The following ZNF891 variants were observed in gnomAD, a reference collection of about 807,000 sequenced individuals.
The protein encoded by ZNF891 is zinc finger protein 891, also known as hCG1646157.
For synonymous variants in ZNF891, 199 were observed against 209.0 expected, an observed-to-expected ratio of 0.95 and a Z score of 0.41; for missense variants, 589 against 632.7, an observed-to-expected ratio of 0.93 and a Z score of 0.74.
At chr12:133,125,787 G>C (rs548531134) in intron 1 of ZNF891, 11 of 478,108 alleles carry the variant, frequency 2.3e-5, no homozygotes, top group Non-Finnish European at 4.1e-5. Flanking sequence ...AAGCCAACAA[G>C]CACCAGGTCA....
rs1333184599 is a variant in ZNF891 at position 133,116,108 on chromosome 12, T to TGGGG, written c.*4175_*4176insCCCC. The TGGGG allele has an allele frequency of 1.3e-5, 2 of 152,176 alleles. No individual in the cohort carries two copies. Among genetic ancestry groups the TGGGG allele is most frequent in the African/African-American group, 4.8e-5 (2 of 41,414 alleles). The allele number at this position is 152,176 out of a possible 1,614,324, so 9.4% of individuals were successfully genotyped here. On this transcript the variant is annotated 3_prime_UTR_variant, in exon 2 of 2. Coordinates refer to ENST00000537226, the MANE Select transcript of ZNF891 (RefSeq NM_001277291.2). Reference sequence around the variant, plus strand: ...ATCTCACCCAAGGACCACATGCAGTTGGGACGATTTTCTTGAGACGGAGTC... The same window carrying TGGGG: ...ATCTCACCCAAGGACCACATGCAGTTGGGGGGGACGATTTTCTTGAGACGGAGTC...
Position 133,121,272 on chromosome 12 carries a change from C to T in ZNF891, c.647G>A (p.Cys216Tyr). The stretch of plus-strand genomic sequence containing the variant: ...TCCAATCTCTGAGTAACATTTTTGG[C>T]AATGTTTACTGGTGAAAATGCTCTG... ...FSQSIFTSKH[C>Y]QKCYSEIGCL... Residue 216 changes from cysteine (C) to tyrosine (Y), a missense_variant, in exon 2 of 2, where the codon TGC becomes TAC. Physicochemically the swap from Cys to Tyr is radical, Grantham distance 194 (BLOSUM62 -2). Coordinates refer to ENST00000537226, the MANE Select transcript of ZNF891 (RefSeq NM_001277291.2). The T allele has an allele frequency of 6.5e-7, 1 of 1,535,592 alleles. No individual in the cohort carries two copies. Among genetic ancestry groups the T allele is most frequent in the Non-Finnish European group, 8.7e-7 (1 of 1,146,812 alleles).
Position 133,105,375 on chromosome 12 carries a change from T to C in ZNF891, c.*14909A>G. 3.5e-6 allele frequency: 3 copies of C among 858,710 alleles called. No individual in the cohort carries two copies. In the East Asian group the frequency reaches 8.0e-5, roughly 23 times the overall value. The allele number at this position is 858,710 out of a possible 1,614,324, so 53.2% of individuals were successfully genotyped here. A position where few individuals can be genotyped will look rare whatever the true frequency, so the allele number is the denominator to read the frequency against. On this transcript the variant is annotated 3_prime_UTR_variant, in exon 2 of 2. Coordinates refer to ENST00000537226, the MANE Select transcript of ZNF891 (RefSeq NM_001277291.2). ...GAAGTTCTGGGCATACTACTCAGATTTCAGTCACAGCTGTGAAAGCTGCTA... is the reference window on the plus strand; with the variant it reads ...GAAGTTCTGGGCATACTACTCAGATCTCAGTCACAGCTGTGAAAGCTGCTA...
intron 1 of ZNF891, among the ~76,000 whole-genome samples, chr12:133,129,371 C>T (rs1158199865): frequency 6.6e-6 from 1 of 151,878 alleles, no homozygotes; most frequent in East Asian, 1.9e-4. Flanking sequence ...CGTGGTGGCT[C>T]ATGTCTGTAA....
chr12:133,124,435 G>A (rs1955794585), intron 1 of ZNF891, among the ~76,000 whole-genome samples: 1 of 151,956 alleles, frequency 6.6e-6, no homozygotes, highest in South Asian at 2.1e-4. Flanking sequence ...CAAGATGAAA[G>A]AAGGATATAT....
Position 133,104,943 on chromosome 12 carries a change from T to TC in ZNF891, c.*15340dup, listed in dbSNP as rs1955533660. On this transcript the variant is annotated 3_prime_UTR_variant, in exon 2 of 2. Coordinates refer to ENST00000537226, the MANE Select transcript of ZNF891 (RefSeq NM_001277291.2). The stretch of plus-strand genomic sequence containing the variant: ...ATAGTCAGGTTTTTAATCCTTACCC[T>TC]CCTCCCACATTCCACCCTCAAATAG... Among the ~76,000 whole-genome samples, 1 of 152,066 alleles carries TC rather than the reference T, an allele frequency of 6.6e-6. No individual in the cohort carries two copies.
chr12:133,124,759 C>T (rs753432823), intron 1 of ZNF891, among the ~76,000 whole-genome samples: 28 of 144,528 alleles, frequency 1.9e-4, no homozygotes, highest in African/African-American at 6.3e-4. Flanking sequence ...TTTTATATTG[C>T]TCTCAGTCTT....
rs1357525938 is a variant in ZNF891 at position 133,117,324 on chromosome 12, A to C, written c.*2960T>G. On this transcript the variant is annotated 3_prime_UTR_variant, in exon 2 of 2. Transcript: ENST00000537226. ...AATACTACTGTTAGCAAAACTGAAG[A>C]TCTATTCATAAAGAATAAAAAATAT... 6.6e-6 allele frequency: 1 copy of C among 152,240 alleles called. No individual in the cohort carries two copies. Among genetic ancestry groups the C allele is most frequent in the Non-Finnish European group, 1.5e-5 (1 of 68,040 alleles). The allele number at this position is 152,240 out of a possible 1,614,324, so 9.4% of individuals were successfully genotyped here.
At position 133,109,738 on chromosome 12, in the gene ZNF891, A is replaced by G. The variant is rs1823363598; in HGVS notation, c.*10546T>C. ...CAGGCAGTATGAAATGATCTTAGAA[A>G]CTTGGAAATGCAGAAATAAATAACA... On this transcript the variant is annotated 3_prime_UTR_variant, in exon 2 of 2. Coordinates refer to ENST00000537226, the MANE Select transcript of ZNF891 (RefSeq NM_001277291.2). 1.3e-5 allele frequency: 2 copies of G among 152,152 alleles called. No homozygotes were observed. The highest frequency in any genetic ancestry group is 2.9e-5 in the Non-Finnish European group (2 of 68,050). The allele number at this position is 152,152 out of a possible 1,614,324, so 9.4% of individuals were successfully genotyped here.
chr12:133,111,840 A>T lies in ZNF891; in HGVS notation c.*8444T>A, dbSNP rs1036819088. 7 of 152,190 alleles carry T rather than the reference A, an allele frequency of 4.6e-5. No individual in the cohort carries two copies. The highest frequency in any genetic ancestry group is 7.2e-5 in the African/African-American group (3 of 41,450). The allele number at this position is 152,190 out of a possible 1,614,324, so 9.4% of individuals were successfully genotyped here. ...GAAACCCAGTAACTTACAGAAAATT[A>T]AAAAATAAAGAAAAATAAATAAAAA... On this transcript the variant is annotated 3_prime_UTR_variant, in exon 2 of 2. Coordinates refer to ENST00000537226, the MANE Select transcript of ZNF891 (RefSeq NM_001277291.2).
chr12:133,127,041 T>C (rs958805342), intron 1 of ZNF891, among the ~76,000 whole-genome samples: 4 of 141,430 alleles, frequency 2.8e-5, no homozygotes, highest in Non-Finnish European at 6.0e-5. Flanking sequence ...CTCGGCTCAC[T>C]GAAACCTCTG....
Position 133,105,209 on chromosome 12 carries a change from G to A in ZNF891, c.*15075C>T, listed in dbSNP as rs1263465661. On this transcript the variant is annotated 3_prime_UTR_variant, in exon 2 of 2. Transcript: ENST00000537226. ...TTAGATAATTCTGGCAGTAAATACC[G>A]TTTAAATGGTGGTGAAGAAGACTAG... Among the ~76,000 whole-genome samples, 5 of 152,142 alleles carry A rather than the reference G, an allele frequency of 3.3e-5. No homozygotes were observed. The highest frequency in any genetic ancestry group is 6.5e-5 in the Admixed American group (1 of 15,268).
Position 133,105,912 on chromosome 12 carries a change from C to T in ZNF891, c.*14372G>A. On this transcript the variant is annotated 3_prime_UTR_variant, in exon 2 of 2. Coordinates refer to ENST00000537226, the MANE Select transcript of ZNF891 (RefSeq NM_001277291.2). ...CTTGTGAAACACCAAATGATACATA[C>T]TGGAAAGAAACCCCATGAGTGTAAG... The T allele has an allele frequency of 6.2e-7, 1 of 1,614,138 alleles. No homozygotes were observed.
rs1345805818 is a variant in ZNF891 at position 133,107,478 on chromosome 12, C to T, written c.*12806G>A. The T allele has an allele frequency of 6.6e-6, 1 of 152,084 alleles. No homozygotes were observed. Among genetic ancestry groups the T allele is most frequent in the Admixed American group, 6.5e-5 (1 of 15,268 alleles). The allele number at this position is 152,084 out of a possible 1,614,324, so 9.4% of individuals were successfully genotyped here. Reference sequence around the variant, plus strand: ...ACAGCATGTGATTCTGAAAATGTAACTACAATATTGACATAAAAAATAAAC... The same window carrying T: ...ACAGCATGTGATTCTGAAAATGTAATTACAATATTGACATAAAAAATAAAC... On this transcript the variant is annotated 3_prime_UTR_variant, in exon 2 of 2. Coordinates refer to ENST00000537226, the MANE Select transcript of ZNF891 (RefSeq NM_001277291.2).
chr12:133,108,947 T>C lies in ZNF891; in HGVS notation c.*11337A>G, dbSNP rs1214778225. 1.3e-5 allele frequency: 2 copies of C among 152,222 alleles called. No homozygotes were observed. Among genetic ancestry groups the C allele is most frequent in the Middle Eastern group, 3.2e-3 (1 of 316 alleles). 9.4% of individuals were successfully genotyped at this position (152,222 alleles called of 1,614,324 possible). A position where few individuals can be genotyped will look rare whatever the true frequency, so the allele number is the denominator to read the frequency against. ...AAAAGTCATACTGGATGGAATCCAG[T>C]GTCCAATCTTTTGGCATCCCTGGGC... On this transcript the variant is annotated 3_prime_UTR_variant, in exon 2 of 2. Coordinates refer to ENST00000537226, the MANE Select transcript of ZNF891 (RefSeq NM_001277291.2).
intron 1 of ZNF891, chr12:133,122,484 C>T (rs961671143): frequency 6.6e-6 from 1 of 152,664 alleles, no homozygotes; most frequent in Non-Finnish European, 1.5e-5. Flanking sequence ...TGGCTGCTAT[C>T]CTACCAATGA....
chr12:133,120,834 G>T lies in ZNF891; in HGVS notation c.1085C>A (p.Thr362Asn). 6.4e-7 allele frequency: 1 copy of T among 1,558,152 alleles called. No individual in the cohort carries two copies. Among genetic ancestry groups the T allele is most frequent in the Non-Finnish European group, 8.7e-7 (1 of 1,153,394 alleles). The change falls in exon 2 of 2, where the codon ACC becomes AAC. Residue 362 changes from threonine to asparagine, a missense_variant. Coordinates refer to ENST00000537226, the MANE Select transcript of ZNF891 (RefSeq NM_001277291.2). ...GTGAGTTCTTACATGTCTCCTTAAG[G>T]TTGAGGAATCATTGAACACTTTACC... The part of the protein sequence containing the change: ...ECGKVFNDSS[T>N]LRRHVRTHTG...
Position 133,107,869 on chromosome 12 carries a change from A to AAT in ZNF891, c.*12413_*12414dup, listed in dbSNP as rs1167569654. The AAT allele has an allele frequency of 6.6e-6, 1 of 152,192 alleles. No individual in the cohort carries two copies. Among genetic ancestry groups the AAT allele is most frequent in the African/African-American group, 2.4e-5 (1 of 41,450 alleles). 9.4% of individuals were successfully genotyped at this position (152,192 alleles called of 1,614,324 possible). A position where few individuals can be genotyped will look rare whatever the true frequency, so the allele number is the denominator to read the frequency against. On this transcript the variant is annotated 3_prime_UTR_variant, in exon 2 of 2. Transcript: ENST00000537226. ...GAGGTAGAGAATATGAATAGGAATGAATTTAGTGAGCATTAATGTAATGGC... is the reference window on the plus strand; with the variant it reads ...GAGGTAGAGAATATGAATAGGAATGAATATTTAGTGAGCATTAATGTAATGGC...
Position 133,106,841 on chromosome 12 carries a change from A to T in ZNF891, c.*13443T>A. On this transcript the variant is annotated 3_prime_UTR_variant, in exon 2 of 2. Coordinates refer to ENST00000537226, the MANE Select transcript of ZNF891 (RefSeq NM_001277291.2). ...ATATGTGGAAAAGCCATTAATAACC[A>T]CTCTTTTATTTTTTTGCAATAACAA... The T allele has an allele frequency of 2.2e-6, 1 of 454,788 alleles. No individual in the cohort carries two copies. 28.2% of individuals were successfully genotyped at this position (454,788 alleles called of 1,614,324 possible). A position where few individuals can be genotyped will look rare whatever the true frequency, so the allele number is the denominator to read the frequency against.
Sources: gnomAD v4.1 joint callset for allele counts (sites outside exome capture counted in the v4.1 genomes callset) on GRCh38, gnomAD v4.1.1 for gene constraint, MANE v1.5 for transcripts, NCBI Gene and HGNC (gene_info 2026-07-23, HGNC 2026-07-21) for gene names.